ALPL: variants seen among roughly 807,000 people sequenced by gnomAD.
The protein encoded by ALPL is alkaline phosphatase, biomineralization associated.
Under a neutral mutation model 51.3 loss-of-function variants are expected in ALPL, and 42 were observed. The ratio of observed to expected loss-of-function variants is 0.82; its 90% confidence interval spans 0.64 to 1.06. ALPL has a LOEUF of 1.06. Ranked by LOEUF, ALPL falls within the 50% of genes least tolerant of loss-of-function variation. ALPL has a pLI of 0.00. For synonymous variants in ALPL, 279 were observed against 296.4 expected (o/e 0.94, Z 0.60); for missense variants, 589 against 709.4 (o/e 0.83, Z 1.93).
chr1:21,559,712 A>T (rs1322699806), intron 2 of ALPL, among the ~76,000 whole-genome samples: 1 of 152,094 alleles, frequency 6.6e-6, no homozygotes, highest in Non-Finnish European at 1.5e-5. Flanking sequence ...TAGAGACGGG[A>T]TATCACCGTG....
chr1:21,510,320 A>G (rs571667268), intron 1 of ALPL, among the ~76,000 whole-genome samples: 1 of 152,142 alleles, frequency 6.6e-6, no homozygotes, highest in East Asian at 1.9e-4. Context: ...TTCAACACAT[A>G]ATGGGGTCGA....
chr1:21,545,355 A>G (rs1644240707), intron 1 of ALPL, among the ~76,000 whole-genome samples: 1 of 152,006 alleles, frequency 6.6e-6, no homozygotes, highest in Non-Finnish European at 1.5e-5. Context: ...CAGCATTGTA[A>G]TCTCAGCTCA....
intron 1 of ALPL, among the ~76,000 whole-genome samples, chr1:21,532,800 C>T (rs1335332093): frequency 6.6e-6 from 1 of 152,184 alleles, no homozygotes; most frequent in Non-Finnish European, 1.5e-5. Context: ...AGACTCCTTC[C>T]CTGACCATGC....
chr1:21,521,513 G>A (rs1156878765), intron 1 of ALPL, among the ~76,000 whole-genome samples: 1 of 152,222 alleles, frequency 6.6e-6, no homozygotes, highest in Non-Finnish European at 1.5e-5. Context: ...CACTCGGCAA[G>A]GGTTTCCACA....
intron 6 of ALPL, among the ~76,000 whole-genome samples, chr1:21,565,190 G>C (rs1429111511): frequency 1.3e-5 from 2 of 152,138 alleles, no homozygotes; most frequent in African/African-American, 4.8e-5. Flanking sequence ...ATTTCTGGGG[G>C]CTACTTGGCC....
Position 21,564,314 on chromosome 1 carries a change from G to A in ALPL, c.648+98G>A. 1.3e-6 allele frequency: 2 copies of A among 1,487,448 alleles called. No homozygotes were observed. The highest frequency in any genetic ancestry group is 9.2e-7 in the Non-Finnish European group (1 of 1,090,210). 92.1% of individuals were successfully genotyped at this position (1,487,448 alleles called of 1,614,324 possible). A position where few individuals can be genotyped will look rare whatever the true frequency, so the allele number is the denominator to read the frequency against. On this transcript the variant is annotated intron_variant, in intron 6 of 11. Coordinates refer to ENST00000374840, the MANE Select transcript of ALPL (RefSeq NM_000478.6). The surrounding 1 kb of genome is among the most constrained non-coding windows in gnomAD (Gnocchi z 5.8). ...AGGCTGGCCCGGAGAAAGCAGCCTG[G>A]CCTGGCTCCCCACACACCTGGGAGG...
At chr1:21,571,860 C>T (rs962494293) in intron 8 of ALPL, among the ~76,000 whole-genome samples, 5 of 151,638 alleles carry the variant, frequency 3.3e-5, no homozygotes, top group South Asian at 2.1e-4. Context: ...GGTGTGGTGG[C>T]GCACACCTTT....
chr1:21,517,731 C>T (rs1224695945), intron 1 of ALPL, among the ~76,000 whole-genome samples: 1 of 152,150 alleles, frequency 6.6e-6, no homozygotes, highest in East Asian at 1.9e-4. Flanking sequence ...GGCTACCCTC[C>T]CTACCACGCA....
intron 1 of ALPL, among the ~76,000 whole-genome samples, chr1:21,538,471 T>A (rs938886484): frequency 3.3e-5 from 5 of 152,186 alleles, no homozygotes; most frequent in African/African-American, 1.2e-4. Context: ...CCTCCTCTGA[T>A]CTGAGCCCTC....
chr1:21,532,632 C>T (rs1230600721), intron 1 of ALPL, among the ~76,000 whole-genome samples: 1 of 152,208 alleles, frequency 6.6e-6, no homozygotes, highest in Non-Finnish European at 1.5e-5. Flanking sequence ...TATGAGAAAG[C>T]AGCCTCATTC....
chr1:21,514,818 G>A (rs1643762919), intron 1 of ALPL, among the ~76,000 whole-genome samples: 1 of 152,086 alleles, frequency 6.6e-6, no homozygotes, highest in Non-Finnish European at 1.5e-5. Flanking sequence ...AGGCACTTTC[G>A]CACATTACCT....
chr1:21,570,349 C>T lies in ALPL; in HGVS notation c.837C>T (p.Asp279=), dbSNP rs1644628512. ...ACCGCACGGAACTCCTGACCCTTGA[C>T]CCCCACAATGTGGACTACCTATTGG... ...IWNRTELLTL[D]PHNVDYLLGL... The change falls in exon 8 of 12, where the codon GAC becomes GAT. Residue 279 remains aspartate, a synonymous_variant. Coordinates refer to ENST00000374840, the MANE Select transcript of ALPL (RefSeq NM_000478.6). 1 of 1,614,020 alleles carries T rather than the reference C, an allele frequency of 6.2e-7. No homozygotes were observed. The highest frequency in any genetic ancestry group is 1.3e-5 in the African/African-American group (1 of 74,906).
intron 8 of ALPL, 39 bp downstream of exon 8, chr1:21,570,413 A>G (rs1258960234): frequency 6.2e-7 from 1 of 1,604,384 alleles, no homozygotes; most frequent in South Asian, 1.1e-5. Context: ...CATGGCTCGG[A>G]GCCTGGTGGC....
At chr1:21,571,098 C>G (rs1440821904) in intron 8 of ALPL, among the ~76,000 whole-genome samples, 1 of 152,224 alleles carries the variant, frequency 6.6e-6, no homozygotes, top group African/African-American at 2.4e-5. Context: ...ACCACATGGG[C>G]TGTGCATGCA....
chr1:21,537,567 C>T (rs530946921), intron 1 of ALPL, among the ~76,000 whole-genome samples: 135 of 152,338 alleles, frequency 8.9e-4, no homozygotes, highest in African/African-American at 3.2e-3. Context: ...GAACCACCCC[C>T]CCCACCGCCA....
intron 2 of ALPL, among the ~76,000 whole-genome samples, chr1:21,554,793 CTGTCTGTCTGTCTGTCTGTCTGT>C (rs1558543624): frequency 1.8e-4 from 7 of 38,264 alleles, no homozygotes; most frequent in African/African-American, 6.0e-4. Context: ...CCTGGCCTGT[CTGTCTGTCTGTCTGTCTGTCTGT>C]CTTTCTTTCT....
chr1:21,558,396 A>G (rs1044448839), intron 2 of ALPL, among the ~76,000 whole-genome samples: 68 of 152,154 alleles, frequency 4.5e-4, no homozygotes, highest in Non-Finnish European at 7.6e-4. Context: ...AGGCTCTATG[A>G]CCAACAGCAC....
chr1:21,545,803 T>G (rs1446094201), intron 1 of ALPL, among the ~76,000 whole-genome samples: 3 of 152,102 alleles, frequency 2.0e-5, no homozygotes, highest in Non-Finnish European at 4.4e-5. Flanking sequence ...TCTTTTAAAT[T>G]TATTTTTTTA....
chr1:21,521,127 C>T (rs1479254170), intron 1 of ALPL, among the ~76,000 whole-genome samples: 1 of 152,192 alleles, frequency 6.6e-6, no homozygotes. Flanking sequence ...GTAGGAGCCC[C>T]ATCTGAGTCA....
Sources: gnomAD v4.1 joint callset for allele counts (sites outside exome capture counted in the v4.1 genomes callset) on GRCh38, gnomAD v4.1.1 for gene constraint, Gnocchi (gnomAD v3.1) non-coding constraint, MANE v1.5 for transcripts, NCBI Gene and HGNC (gene_info 2026-07-23, HGNC 2026-07-21) for gene names.